ATP8A2: variants seen among roughly 807,000 people sequenced by gnomAD.
ATP8A2 encodes the protein ATPase phospholipid transporting 8A2.
A neutral mutation model predicts 165.6 loss-of-function variants in ATP8A2; 100 were observed. The observed-to-expected ratio is 0.60, with a 90% CI of 0.51 to 0.71. ATP8A2 has a LOEUF of 0.71. Ranked by LOEUF, ATP8A2 falls within the 30% of genes least tolerant of loss-of-function variation. The pLI is 0.00. For synonymous variants in ATP8A2, 543 were observed against 548.8 expected, an observed-to-expected ratio of 0.99 and a Z score of 0.15; for missense variants, 1,227 against 1,479.5, an observed-to-expected ratio of 0.83 and a Z score of 2.80.
intron 33 of ATP8A2, among the ~76,000 whole-genome samples, chr13:25,919,376 A>C (rs541704909): frequency 2.0e-5 from 3 of 152,096 alleles, no homozygotes; most frequent in African/African-American, 7.2e-5. Context: ...CCTCTCCTTT[A>C]TAACTGTATT....
chr13:25,616,542 G>C (rs1306706845), intron 24 of ATP8A2, among the ~76,000 whole-genome samples: 2 of 151,820 alleles, frequency 1.3e-5, no homozygotes, highest in Non-Finnish European at 2.9e-5. Context: ...ATGTTGGCCA[G>C]GCTAGTCTCG....
At chr13:25,841,722 G>T (rs1049912212) in intron 30 of ATP8A2, among the ~76,000 whole-genome samples, 5 of 152,212 alleles carry the variant, frequency 3.3e-5, no homozygotes, top group Admixed American at 6.5e-5. Context: ...AGAGTTTGTA[G>T]TATGGAAAGG....
intron 27 of ATP8A2, among the ~76,000 whole-genome samples, chr13:25,786,096 A>G (rs1319220513): frequency 2.6e-5 from 4 of 152,034 alleles, no homozygotes; most frequent in Non-Finnish European, 5.9e-5. Context: ...TTTTTCTTGG[A>G]CTTGGGAGTT....
intron 25 of ATP8A2, among the ~76,000 whole-genome samples, chr13:25,745,850 G>T (rs950409459): frequency 6.6e-6 from 1 of 152,178 alleles, no homozygotes; most frequent in South Asian, 2.1e-4. Context: ...CTCTAGTTCA[G>T]TTTCTTAGGA....
At chr13:25,731,257 G>A (rs2043626995) in intron 25 of ATP8A2, among the ~76,000 whole-genome samples, 1 of 148,716 alleles carries the variant, frequency 6.7e-6, no homozygotes, top group Non-Finnish European at 1.5e-5. Flanking sequence ...AGGAAGGAAG[G>A]AAGGAAGCGG....
intron 33 of ATP8A2, among the ~76,000 whole-genome samples, chr13:25,877,406 TG>T (rs1952845396): frequency 6.6e-6 from 1 of 152,222 alleles, no homozygotes; most frequent in South Asian, 2.1e-4. Context: ...GCTCCAATCA[TG>T]GAACATCTGA....
chr13:25,952,875 A>G (rs553952850), intron 33 of ATP8A2, among the ~76,000 whole-genome samples: 1 of 152,294 alleles, frequency 6.6e-6, no homozygotes, highest in African/African-American at 2.4e-5. Context: ...CATCCTTCCT[A>G]AAAAGGTTCA....
At chr13:25,668,319 T>A (rs1409790620) in intron 24 of ATP8A2, among the ~76,000 whole-genome samples, 1 of 152,142 alleles carries the variant, frequency 6.6e-6, no homozygotes, top group Admixed American at 6.5e-5. Flanking sequence ...TAAGTTTTTT[T>A]TTCTTTCAGC....
In ATP8A2 at chr13:25,963,406, A is replaced by AAAAAG. The variant is rs1555297794; in HGVS notation, c.3272+1758_3272+1762dup. On this transcript the variant is annotated intron_variant, in intron 34 of 36. Coordinates refer to ENST00000381655, the MANE Select transcript of ATP8A2 (RefSeq NM_016529.6). ...GAGACTCCGTCTCAAAAAAAAAAAA[A>AAAAAG]AAAAGAAAAGAAAAGAAAAAGAAAA... Among the ~76,000 whole-genome samples the AAAAAG allele has an allele frequency of 8.6e-3, 1,169 of 135,472 alleles. 21 individuals carry two copies. The highest frequency in any genetic ancestry group is 9.2e-3 in the Non-Finnish European group (587 of 63,818). The allele number at this position is 135,472 out of a possible 152,430, so 88.9% of individuals were successfully genotyped here.
At chr13:25,984,876 C>T (rs1446525651) in intron 35 of ATP8A2, among the ~76,000 whole-genome samples, 1 of 152,206 alleles carries the variant, frequency 6.6e-6, no homozygotes, top group African/African-American at 2.4e-5. Context: ...CTCTCTCATG[C>T]AGGGCTGTGT....
At chr13:25,851,582 C>CAAAAAAAA (rs200852097) in intron 30 of ATP8A2, among the ~76,000 whole-genome samples, 4 of 109,054 alleles carry the variant, frequency 3.7e-5, no homozygotes, top group African/African-American at 1.1e-4. Context: ...GACTCTGTCT[C>CAAAAAAAA]AAAAAAAAAA....
chr13:25,986,602 T>C (rs1010456882), intron 35 of ATP8A2, among the ~76,000 whole-genome samples: 17 of 152,368 alleles, frequency 1.1e-4, no homozygotes, highest in Admixed American at 1.0e-3. Flanking sequence ...TATTCATTCC[T>C]CTGTTGATGG....
intron 2 of ATP8A2, among the ~76,000 whole-genome samples, chr13:25,501,966 G>A (rs778761650): frequency 1.2e-4 from 18 of 152,210 alleles, no homozygotes; most frequent in East Asian, 3.8e-4. Context: ...AAAGACATGC[G>A]TGGAAGCAAA....
rs56360268 is a variant in ATP8A2 at position 25,656,277 on chromosome 13, A to ATT, written c.2212-42888_2212-42887dup. 6.7e-3 allele frequency among the ~76,000 whole-genome samples: 1,001 copies of ATT among 150,390 alleles called. 3 individuals are homozygous for ATT. The highest frequency in any genetic ancestry group is 0.012 in the Non-Finnish European group (795 of 67,668). On this transcript the variant is annotated intron_variant, in intron 24 of 36. Transcript: ENST00000381655. ...GAATCACACTATTACTTAAAGTTGGATTTTTTTTTGTTTTTTGAAATGGAG... is the reference window on the plus strand; with the variant it reads ...GAATCACACTATTACTTAAAGTTGGATTTTTTTTTTTGTTTTTTGAAATGGAG...
chr13:25,774,896 C>T lies in ATP8A2; in HGVS notation c.2616C>T (p.Tyr872=), dbSNP rs755421642. The T allele has an allele frequency of 6.2e-7, 1 of 1,613,998 alleles. No individual in the cohort carries two copies. Among genetic ancestry groups the T allele is most frequent in the South Asian group, 1.1e-5 (1 of 91,078 alleles). The change falls in exon 27 of 37, where the codon TAC becomes TAT. Residue 872 remains tyrosine, a synonymous_variant. Coordinates refer to ENST00000381655, the MANE Select transcript of ATP8A2 (RefSeq NM_016529.6). ...KLLLVHGAWS[Y]NRVTKCILYC... ...TGTTGGTTCATGGAGCCTGGAGCTA[C>T]AACCGGGTGACCAAGTGCATCTTGT...
At chr13:25,505,205 G>GGA (rs1001181507) in intron 2 of ATP8A2, among the ~76,000 whole-genome samples, 4 of 141,346 alleles carry the variant, frequency 2.8e-5, no homozygotes, top group Middle Eastern at 3.6e-3. Flanking sequence ...GGCGGGGCGG[G>GGA]GGGGGGTGGT....
At chr13:25,433,385 A>T (rs2034668224) in intron 1 of ATP8A2, among the ~76,000 whole-genome samples, 2 of 151,924 alleles carry the variant, frequency 1.3e-5, no homozygotes, top group African/African-American at 4.8e-5. Flanking sequence ...TGATCTTCTC[A>T]CCTCAGCTTC....
chr13:25,469,267 T>C (rs77815308), intron 2 of ATP8A2, 146 bp downstream of exon 2: 236,146 of 920,996 alleles, frequency 0.26, 32,134 homozygotes, highest in Non-Finnish European at 0.28. Context: ...CCCACCCCAC[T>C]AGCCCGCGGT....
intron 25 of ATP8A2, among the ~76,000 whole-genome samples, chr13:25,767,020 T>C (rs577985821): frequency 6.6e-6 from 1 of 152,228 alleles, no homozygotes; most frequent in Non-Finnish European, 1.5e-5. Flanking sequence ...ATGGTCAATG[T>C]GTGGTGCACA....
Sources: gnomAD v4.1 joint callset for allele counts (sites outside exome capture counted in the v4.1 genomes callset) on GRCh38, gnomAD v4.1.1 for gene constraint, MANE v1.5 for transcripts, NCBI Gene and HGNC (gene_info 2026-07-23, HGNC 2026-07-21) for gene names.